Variants in ANO2 observed in about 807,000 individuals in gnomAD.
The protein encoded by ANO2 is anoctamin-2.
In ANO2, 101 loss-of-function variants were observed where a neutral mutation model predicts 124.2. The ratio of observed to expected loss-of-function variants is 0.81; its 90% CI spans 0.69 to 0.96. The LOEUF is 0.96. Ranked by LOEUF, ANO2 falls within the 40% of genes least tolerant of loss-of-function variation. ANO2 has a pLI of 0.00. For synonymous variants in ANO2, 486 were observed against 482.5 expected, an observed-to-expected ratio of 1.01 and a Z score of -0.09; for missense variants, 1,293 against 1,274.5, an observed-to-expected ratio of 1.01 and a Z score of -0.22.
chr12:5,653,017 A>G (rs1339790930), intron 14 of ANO2, among the ~76,000 whole-genome samples: 2 of 152,218 alleles, frequency 1.3e-5, no homozygotes, highest in African/African-American at 2.4e-5. Context: ...TGCTTAAAGC[A>G]GGACTGTAAA....
At chr12:5,746,474 T>C (rs1392847667) in intron 11 of ANO2, among the ~76,000 whole-genome samples, 1 of 152,172 alleles carries the variant, frequency 6.6e-6, no homozygotes, top group African/African-American at 2.4e-5. Context: ...AGAGGCTGCC[T>C]CTAGACAAGC....
At chr12:5,766,552 T>C (rs370747855) in intron 10 of ANO2, among the ~76,000 whole-genome samples, 54 of 152,338 alleles carry the variant, frequency 3.5e-4, no homozygotes, top group African/African-American at 1.3e-3. Flanking sequence ...GAGGCACTAA[T>C]GGAGAGCATG....
At chr12:5,888,195 G>A (rs1939092152) in intron 3 of ANO2, among the ~76,000 whole-genome samples, 1 of 152,116 alleles carries the variant, frequency 6.6e-6, no homozygotes, top group South Asian at 2.1e-4. Context: ...TTCGCGGTGA[G>A]TGTTACAGCT....
intron 20 of ANO2, chr12:5,584,106 T>G: frequency 4.5e-6 from 1 of 220,422 alleles, no homozygotes; most frequent in Non-Finnish European, 9.8e-6. Flanking sequence ...CTTGGCTCCC[T>G]GTGTCATTCC....
chr12:5,618,971 G>A (rs1161562462), intron 16 of ANO2, among the ~76,000 whole-genome samples: 1 of 152,174 alleles, frequency 6.6e-6, no homozygotes, highest in African/African-American at 2.4e-5. Context: ...TTAATTCACT[G>A]CCAATCCTAC....
chr12:5,799,319 A>G (rs1285600143), intron 10 of ANO2, among the ~76,000 whole-genome samples, 188 bp downstream of exon 10: 1 of 152,228 alleles, frequency 6.6e-6, no homozygotes, highest in Non-Finnish European at 1.5e-5. Flanking sequence ...TGCCCCACGC[A>G]GCCTCCATGT....
intron 7 of ANO2, among the ~76,000 whole-genome samples, chr12:5,813,351 A>ATTTTTATC (rs1263009544): frequency 6.6e-6 from 1 of 152,034 alleles, no homozygotes; most frequent in Non-Finnish European, 1.5e-5. Flanking sequence ...CCCTATCTTT[A>ATTTTTATC]TTTTTATCTT....
chr12:5,827,509 AAAAGAG>A lies in ANO2; in HGVS notation c.892+254_892+259del, dbSNP rs562447784. On this transcript the variant is annotated intron_variant, in intron 7 of 24. Transcript: ENST00000682330. The stretch of plus-strand genomic sequence containing the variant: ...AGTGGCAGGTGTGGGCGGTACAGGG[AAAAGAG>A]AAAGAGAAAGCCCGGAGACCTGGGA... 4.6e-5 allele frequency among the ~76,000 whole-genome samples: 7 copies of A among 152,242 alleles called. No individual in the cohort carries two copies. In the East Asian group the frequency reaches 1.4e-3, roughly 29 times the overall value.
intron 23 of ANO2, among the ~76,000 whole-genome samples, chr12:5,571,724 A>T (rs1286505435): frequency 1.3e-5 from 2 of 151,676 alleles, no homozygotes; most frequent in African/African-American, 4.9e-5. Context: ...TCTCTCTTCC[A>T]TGTACACATA....
chr12:5,635,476 G>T lies in ANO2; in HGVS notation c.1621-129C>A. 2.5e-6 allele frequency: 2 copies of T among 794,942 alleles called. No homozygotes were observed. Among genetic ancestry groups the T allele is most frequent in the Non-Finnish European group, 3.6e-6 (2 of 562,224 alleles). The allele number at this position is 794,942 out of a possible 1,614,324, so 49.2% of individuals were successfully genotyped here. The stretch of plus-strand genomic sequence containing the variant: ...CTGGAATCTTTTGTTGGGTAACAAG[G>T]GATTCCAGATATTATTAGTCTGGAA... On this transcript the variant is annotated intron_variant, in intron 15 of 24. Coordinates refer to ENST00000682330, the MANE Select transcript of ANO2 (RefSeq NM_001364791.2). This position sits in a 1 kb window ranked among gnomAD's most constrained non-coding sequence, Gnocchi z 5.2.
At chr12:5,878,490 A>T (rs1452096351) in intron 3 of ANO2, among the ~76,000 whole-genome samples, 1 of 152,236 alleles carries the variant, frequency 6.6e-6, no homozygotes, top group South Asian at 2.1e-4. Flanking sequence ...AAAACACTTG[A>T]TAAATTCATT....
chr12:5,819,145 C>G (rs1953705796), intron 7 of ANO2, among the ~76,000 whole-genome samples: 1 of 152,132 alleles, frequency 6.6e-6, no homozygotes, highest in African/African-American at 2.4e-5. Context: ...GTGATGGCCT[C>G]CCCTGAGGCA....
chr12:5,904,719 G>C lies in ANO2; in HGVS notation c.534+16321C>G, dbSNP rs549000350. Among the ~76,000 whole-genome samples the C allele has an allele frequency of 6.6e-5, 10 of 152,270 alleles. No homozygotes were observed. The East Asian group carries it at 1.9e-3, about 29-fold the overall frequency. The stretch of plus-strand genomic sequence containing the variant: ...AGCCTTGCTCCCCCTGGGAAGCCTT[G>C]CCACCTCTCACCCCTGCCTGCTGGC... On this transcript the variant is annotated intron_variant, in intron 3 of 24. Coordinates refer to ENST00000682330, the MANE Select transcript of ANO2 (RefSeq NM_001364791.2). This position sits in a 1 kb window ranked among gnomAD's most constrained non-coding sequence, Gnocchi z 4.1.
intron 14 of ANO2, among the ~76,000 whole-genome samples, chr12:5,682,104 G>A (rs1269218433): frequency 2.0e-5 from 3 of 152,108 alleles, no homozygotes; most frequent in Non-Finnish European, 4.4e-5. Context: ...TAGATCAGTG[G>A]CTCTTGAATT....
chr12:5,825,039 T>C (rs187541269), intron 7 of ANO2, among the ~76,000 whole-genome samples: 4 of 152,288 alleles, frequency 2.6e-5, no homozygotes, highest in Admixed American at 1.3e-4. Flanking sequence ...ACAATTCAAG[T>C]TGAGTTTTGG....
At chr12:5,805,295 G>T (rs989365854) in intron 9 of ANO2, among the ~76,000 whole-genome samples, 9 of 152,186 alleles carry the variant, frequency 5.9e-5, no homozygotes, top group African/African-American at 2.2e-4. Context: ...AGTTGCTTGA[G>T]CTTCAGCTCC....
intron 3 of ANO2, among the ~76,000 whole-genome samples, chr12:5,887,135 T>G (rs1397944337): frequency 1.3e-5 from 2 of 152,230 alleles, no homozygotes; most frequent in Non-Finnish European, 2.9e-5. Flanking sequence ...TTACAGTAAA[T>G]ATTATGTCTC....
At chr12:5,800,844 C>T (rs913691368) in intron 9 of ANO2, among the ~76,000 whole-genome samples, 7 of 152,024 alleles carry the variant, frequency 4.6e-5, no homozygotes, top group Admixed American at 6.5e-5. Flanking sequence ...GAAGAGGAGG[C>T]AATTTGTAAA....
chr12:5,822,972 G>A (rs796296118), intron 7 of ANO2, among the ~76,000 whole-genome samples: 8 of 152,258 alleles, frequency 5.3e-5, no homozygotes, highest in Non-Finnish European at 1.0e-4. Flanking sequence ...CAGATCTCAT[G>A]AGACTTATTC....
Sources: gnomAD v4.1 joint callset for allele counts (sites outside exome capture counted in the v4.1 genomes callset) on GRCh38, gnomAD v4.1.1 for gene constraint, Gnocchi (gnomAD v3.1) non-coding constraint, MANE v1.5 for transcripts, NCBI Gene and HGNC (gene_info 2026-07-23, HGNC 2026-07-21) for gene names.